Variants in IL15 observed in about 807,000 individuals in gnomAD.
The protein encoded by IL15 is interleukin-15.
In IL15, 11 loss-of-function variants were observed where a neutral mutation model predicts 19.6. The observed-to-expected ratio is 0.56, with a 90% confidence interval of 0.35 to 0.93. IL15 has a LOEUF of 0.93. Among genes scored for constraint, IL15 ranks in the 40% least tolerant of loss-of-function variants. IL15 has a pLI of 0.01. For missense variants in IL15, 197 were observed against 186.5 expected (o/e 1.06, Z -0.33); for synonymous variants, 58 against 59.6 (o/e 0.97, Z 0.12).
At chr4:141,682,970 A>G (rs866385043) in intron 2 of IL15, among the ~76,000 whole-genome samples, 4 of 151,790 alleles carry the variant, frequency 2.6e-5, no homozygotes, top group South Asian at 2.1e-4. Context: ...AAACAAACAA[A>G]CAAACAAAAA....
At chr4:141,677,147 A>G (rs1042101701) in intron 2 of IL15, among the ~76,000 whole-genome samples, 2 of 152,160 alleles carry the variant, frequency 1.3e-5, no homozygotes, top group Non-Finnish European at 2.9e-5. Context: ...GTATTTCCTC[A>G]AAGTTACACC....
intron 2 of IL15, among the ~76,000 whole-genome samples, chr4:141,687,695 C>T (rs1221018501): frequency 2.0e-5 from 3 of 152,222 alleles, no homozygotes; most frequent in African/African-American, 4.8e-5. Context: ...GCAGTGAATG[C>T]CTTTTTAAAT....
chr4:141,700,153 A>C (rs1386046728), intron 2 of IL15, among the ~76,000 whole-genome samples: 1 of 152,130 alleles, frequency 6.6e-6, no homozygotes, highest in Non-Finnish European at 1.5e-5. Context: ...TCCTGACCTC[A>C]GGTGATCCAT....
At chr4:141,732,465 A>G (rs1360041933) in intron 7 of IL15, among the ~76,000 whole-genome samples, 2 of 152,170 alleles carry the variant, frequency 1.3e-5, no homozygotes, top group Non-Finnish European at 2.9e-5. Context: ...GATGATAGGA[A>G]ACCATTGAAG....
chr4:141,650,387 T>C (rs1435847431), intron 1 of IL15, among the ~76,000 whole-genome samples: 1 of 152,048 alleles, frequency 6.6e-6, no homozygotes, highest in Non-Finnish European at 1.5e-5. Flanking sequence ...GCTTTAGATA[T>C]AGTCAATACA....
intron 2 of IL15, among the ~76,000 whole-genome samples, chr4:141,665,523 C>T (rs1020729983): frequency 2.6e-5 from 4 of 152,024 alleles, no homozygotes; most frequent in Non-Finnish European, 4.4e-5. Context: ...GTGTCAAGTT[C>T]GCTTCTTATG....
At chr4:141,645,409 A>G (rs1026597448) in intron 1 of IL15, among the ~76,000 whole-genome samples, 1 of 152,104 alleles carries the variant, frequency 6.6e-6, no homozygotes, top group Non-Finnish European at 1.5e-5. Flanking sequence ...CCTGGATTTG[A>G]TCTTTGCCCT....
chr4:141,715,867 G>C (rs1729865984), intron 2 of IL15: 1 of 152,120 alleles, frequency 6.6e-6, no homozygotes, highest in South Asian at 2.1e-4. Context: ...TTTCCTCACT[G>C]GGAAGAACTA....
At chr4:141,648,830 G>A (rs17007480) in intron 1 of IL15, among the ~76,000 whole-genome samples, 3,114 of 152,134 alleles carry the variant, frequency 0.02, 111 homozygotes, top group African/African-American at 0.07. Context: ...AACTTATAAA[G>A]CATGGCTTCC....
intron 4 of IL15, 95 bp downstream of exon 4, chr4:141,720,661 G>A (rs924119018): frequency 2.5e-6 from 2 of 784,344 alleles, no homozygotes; most frequent in Non-Finnish European, 4.6e-6. Context: ...CGTTCAGTTT[G>A]CTTATATCTC....
intron 2 of IL15, among the ~76,000 whole-genome samples, chr4:141,700,835 T>C (rs1220125872): frequency 6.6e-6 from 1 of 152,212 alleles, no homozygotes; most frequent in Non-Finnish European, 1.5e-5. Flanking sequence ...ATTGTTTTTG[T>C]CTTTGTCTGA....
chr4:141,682,786 C>A (rs992832627), intron 2 of IL15, among the ~76,000 whole-genome samples: 1 of 151,942 alleles, frequency 6.6e-6, no homozygotes, highest in Admixed American at 6.6e-5. Flanking sequence ...GAAACCCGGT[C>A]TCTACTAAAA....
intron 2 of IL15, among the ~76,000 whole-genome samples, chr4:141,702,470 G>A (rs552765038): frequency 1.6e-4 from 24 of 152,298 alleles, no homozygotes; most frequent in Admixed American, 3.9e-4. Context: ...GGGGAGTGAC[G>A]TAGACTGAGA....
intron 2 of IL15, among the ~76,000 whole-genome samples, chr4:141,706,504 A>G (rs931225629): frequency 2.6e-5 from 4 of 152,106 alleles, no homozygotes; most frequent in African/African-American, 9.7e-5. Context: ...GAATTTACCT[A>G]TACTGGTGAG....
At chr4:141,673,650 A>G (rs1397441525) in intron 2 of IL15, among the ~76,000 whole-genome samples, 3 of 152,162 alleles carry the variant, frequency 2.0e-5, no homozygotes, top group Non-Finnish European at 4.4e-5. Context: ...CACGTGAAAT[A>G]ATGTATTTAT....
At chr4:141,719,506 A>G (rs1415449561) in intron 3 of IL15, 30 bp downstream of exon 3, 7 of 1,300,150 alleles carry the variant, frequency 5.4e-6, no homozygotes, top group South Asian at 1.2e-5. Context: ...AAAATATCCT[A>G]TGGAATTTCC....
intron 2 of IL15, chr4:141,704,554 A>T (rs980017013): frequency 2.8e-6 from 1 of 352,038 alleles, no homozygotes; most frequent in African/African-American, 2.2e-5. Context: ...TAATGCAGGC[A>T]TTATAAAATA....
rs1223369297 is a variant in IL15 at position 141,732,910 on chromosome 4, A to G, written c.*62A>G. ...ACAAACATCACTCTGCTGCTTAGAC[A>G]TAACAAAACACTCGGCATTTCAAAT... On this transcript the variant is annotated 3_prime_UTR_variant, in exon 8 of 8. Transcript: ENST00000320650. 9.0e-6 allele frequency: 14 copies of G among 1,554,396 alleles called. No homozygotes were observed. Among genetic ancestry groups the G allele is most frequent in the Non-Finnish European group, 1.1e-5 (13 of 1,156,102 alleles).
chr4:141,719,035 G>A (rs41309800), intron 2 of IL15: 4,083 of 155,994 alleles, frequency 0.026, 183 homozygotes, highest in African/African-American at 0.092. Context: ...ACAAATCTAA[G>A]TATTTGTTTG....
Sources: allele counts gnomAD v4.1 joint callset (sites outside exome capture counted in the v4.1 genomes callset), GRCh38; gene constraint gnomAD v4.1.1; transcripts MANE v1.5; gene names NCBI Gene and HGNC (gene_info 2026-07-23, HGNC 2026-07-21).